The following USO1 variants were observed in gnomAD, a reference collection of about 807,000 sequenced individuals.
USO1 encodes the protein general vesicular transport factor p115.
USO1 carries 57 observed loss-of-function variants against 124.5 expected under a neutral mutation model. The observed-to-expected ratio is 0.46, with a 90% confidence interval of 0.37 to 0.57. The LOEUF (loss-of-function observed/expected upper bound fraction) is 0.57, where lower values mean the gene tolerates loss of function less well. USO1 is among the 20% of genes least tolerant of loss of function. USO1 has a pLI of 0.00. For synonymous variants in USO1, 369 were observed against 362.8 expected, an observed-to-expected ratio of 1.02 and a Z score of -0.19; for missense variants, 900 against 1,040.6, an observed-to-expected ratio of 0.86 and a Z score of 1.86.
At chr4:75,787,624 A>G (rs989298983) in intron 10 of USO1, among the ~76,000 whole-genome samples, 2 of 151,604 alleles carry the variant, frequency 1.3e-5, no homozygotes, top group Non-Finnish European at 1.5e-5. Flanking sequence ...TAGTTTGAAG[A>G]AAAAAAGTTT....
chr4:75,782,927 C>T (rs1722262361), intron 9 of USO1, 69 bp downstream of exon 9: 7 of 1,465,796 alleles, frequency 4.8e-6, no homozygotes, highest in Non-Finnish European at 6.3e-6. Context: ...AAGAAAATCG[C>T]TTGTATTTGA....
intron 7 of USO1, among the ~76,000 whole-genome samples, chr4:75,773,470 T>C (rs1400522655): frequency 6.6e-6 from 1 of 152,218 alleles, no homozygotes; most frequent in Non-Finnish European, 1.5e-5. Context: ...GAGTATACTA[T>C]AAGTTCATGT....
Position 75,760,939 on chromosome 4 carries a change from G to C in USO1, c.295+3366G>C, listed in dbSNP as rs563677460. On this transcript the variant is annotated intron_variant, in intron 4 of 23. Transcript: ENST00000514213. ...AGGCGGGCAGATCACTTGAGGTCGGGAGTTCAAGACCAGCCTAGCCAGCGT... is the reference window on the plus strand; with the variant it reads ...AGGCGGGCAGATCACTTGAGGTCGGCAGTTCAAGACCAGCCTAGCCAGCGT... Among the ~76,000 whole-genome samples, 5 of 152,264 alleles carry C rather than the reference G, an allele frequency of 3.3e-5. No individual in the cohort carries two copies. In the South Asian group the frequency reaches 6.2e-4, roughly 19 times the overall value.
chr4:75,725,827 G>A (rs1355418451), intron 1 of USO1, among the ~76,000 whole-genome samples: 1 of 152,058 alleles, frequency 6.6e-6, no homozygotes, highest in Non-Finnish European at 1.5e-5. Flanking sequence ...TTTGTTAATG[G>A]GATCCTGAGG....
At chr4:75,806,715 C>A in intron 20 of USO1, 143 bp downstream of exon 20, 1 of 1,129,532 alleles carries the variant, frequency 8.9e-7, no homozygotes, top group Non-Finnish European at 1.2e-6. Flanking sequence ...AATCCAGAAG[C>A]TGTTTCTATT....
chr4:75,734,921 G>A (rs181696537), intron 1 of USO1, among the ~76,000 whole-genome samples: 157 of 151,198 alleles, frequency 1.0e-3, no homozygotes, highest in African/African-American at 3.5e-3. Context: ...TAGAAACAGG[G>A]TTTCACCATA....
chr4:75,807,172 ATGTAT>A (rs1163932297), intron 20 of USO1, among the ~76,000 whole-genome samples: 1 of 152,148 alleles, frequency 6.6e-6, no homozygotes, highest in Non-Finnish European at 1.5e-5. Flanking sequence ...AAAAATTTAA[ATGTAT>A]TGTTCAAGAA....
chr4:75,742,021 T>C (rs545538222), intron 1 of USO1, among the ~76,000 whole-genome samples: 3 of 152,184 alleles, frequency 2.0e-5, no homozygotes, highest in Non-Finnish European at 2.9e-5. Context: ...GGCAGTAACA[T>C]GCAATAGAGC....
intron 16 of USO1, 88 bp downstream of exon 16, chr4:75,800,887 G>C: frequency 2.7e-6 from 4 of 1,507,320 alleles, no homozygotes; most frequent in Non-Finnish European, 2.7e-6. Context: ...CAGGTTATAT[G>C]GTAACTCTAA....
chr4:75,759,503 A>G (rs1721540123), intron 4 of USO1, among the ~76,000 whole-genome samples: 1 of 151,868 alleles, frequency 6.6e-6, no homozygotes, highest in Non-Finnish European at 1.5e-5. Context: ...CTGAGGCAGG[A>G]GAACTGCTTG....
At chr4:75,753,487 A>G (rs1336888419) in intron 3 of USO1, among the ~76,000 whole-genome samples, 9 of 152,060 alleles carry the variant, frequency 5.9e-5, no homozygotes, top group African/African-American at 1.9e-4. Context: ...GTTAACCAAG[A>G]TCGTCCAACT....
intron 8 of USO1, among the ~76,000 whole-genome samples, chr4:75,775,151 G>A (rs965479229): frequency 6.6e-6 from 1 of 152,158 alleles, no homozygotes; most frequent in Admixed American, 6.6e-5. Context: ...TGAATAGGGA[G>A]GACACAATTG....
chr4:75,754,042 C>G (rs1028420687), intron 3 of USO1, among the ~76,000 whole-genome samples: 11 of 151,078 alleles, frequency 7.3e-5, no homozygotes, highest in African/African-American at 2.7e-4. Flanking sequence ...CTGCCTTGGC[C>G]TCCCAAAGTG....
intron 1 of USO1, 171 bp downstream of exon 1, chr4:75,725,056 C>G: frequency 4.1e-6 from 3 of 723,614 alleles, no homozygotes; most frequent in South Asian, 3.7e-5. Context: ...TATTCAATCA[C>G]GCCCCCAGCT....
chr4:75,793,412 G>A (rs184325254), intron 12 of USO1, among the ~76,000 whole-genome samples: 71 of 151,780 alleles, frequency 4.7e-4, no homozygotes, highest in Admixed American at 4.4e-3. Context: ...TCCAAAGTGC[G>A]AGAATTACAG....
chr4:75,756,993 A>G (rs1721465789), intron 3 of USO1, among the ~76,000 whole-genome samples: 1 of 151,974 alleles, frequency 6.6e-6, no homozygotes, highest in Admixed American at 6.6e-5. Context: ...ACAGACACAC[A>G]TAAAATTAAC....
intron 13 of USO1, among the ~76,000 whole-genome samples, chr4:75,796,341 C>CTTTTTTTTTTTTTTTTTTT (rs533041107): frequency 0.031 from 3,170 of 101,326 alleles, 548 homozygotes; most frequent in East Asian, 0.06. Flanking sequence ...CCATCATGCT[C>CTTTTTTTTTTTTTTTTTTT]TTTTTTTTTT....
At chr4:75,733,270 TAAAAA>T (rs1223252842) in intron 1 of USO1, among the ~76,000 whole-genome samples, 1 of 151,516 alleles carries the variant, frequency 6.6e-6, no homozygotes, top group Non-Finnish European at 1.5e-5. Context: ...AAAAAAAAAT[TAAAAA>T]AAATAAATTA....
intron 10 of USO1, among the ~76,000 whole-genome samples, chr4:75,787,623 G>A (rs959515669): frequency 2.6e-5 from 4 of 151,998 alleles, no homozygotes; most frequent in African/African-American, 9.7e-5. Context: ...TTAGTTTGAA[G>A]AAAAAAAGTT....
Sources: gnomAD v4.1 joint callset for allele counts (sites outside exome capture counted in the v4.1 genomes callset) on GRCh38, gnomAD v4.1.1 for gene constraint, MANE v1.5 for transcripts, NCBI Gene and HGNC (gene_info 2026-07-23, HGNC 2026-07-21) for gene names.